The following TSPAN14 variants were observed in gnomAD, a reference collection of about 807,000 sequenced individuals.
TSPAN14 encodes the protein tetraspanin-14.
TSPAN14 carries 16 observed loss-of-function variants against 36.6 expected under a neutral mutation model. The ratio of observed to expected loss-of-function variants is 0.44; its 90% CI spans 0.30 to 0.66. TSPAN14 has a LOEUF of 0.66. Among genes scored for constraint, TSPAN14 ranks in the 30% least tolerant of loss-of-function variants. The probability of loss-of-function intolerance (pLI) is 0.12; values close to 1 mark genes in which losing one functional copy is unlikely to be tolerated. For synonymous variants in TSPAN14, 139 were observed against 143.8 expected (o/e 0.97, Z 0.24); for missense variants, 231 against 355.1 (o/e 0.65, Z 2.81).
chr10:80,462,472 GGTTCTA>G (rs1846030742), intron 1 of TSPAN14, among the ~76,000 whole-genome samples: 1 of 152,094 alleles, frequency 6.6e-6, no homozygotes, highest in Non-Finnish European at 1.5e-5. Context: ...GGCCAGTCCT[GGTTCTA>G]ATGGTCATTG....
intron 1 of TSPAN14, among the ~76,000 whole-genome samples, chr10:80,465,285 C>T (rs1018798010): frequency 1.3e-5 from 2 of 151,728 alleles, no homozygotes; most frequent in African/African-American, 2.4e-5. Flanking sequence ...AGTGCTCAGC[C>T]CAGTGCTCCC....
At chr10:80,511,384 G>GT (rs1840608937) in intron 5 of TSPAN14, among the ~76,000 whole-genome samples, 1 of 152,160 alleles carries the variant, frequency 6.6e-6, no homozygotes, top group Non-Finnish European at 1.5e-5. Flanking sequence ...AAGTTTCTCA[G>GT]GGAGGAAGAA....
At chr10:80,457,375 G>C (rs914463592) in intron 1 of TSPAN14, among the ~76,000 whole-genome samples, 33 of 152,046 alleles carry the variant, frequency 2.2e-4, no homozygotes, top group African/African-American at 8.0e-4. Flanking sequence ...TTTTAGTAGA[G>C]ATGGGGTTTC....
chr10:80,502,577 G>A (rs1384556087), intron 2 of TSPAN14, among the ~76,000 whole-genome samples: 2 of 151,998 alleles, frequency 1.3e-5, no homozygotes, highest in Admixed American at 1.3e-4. Flanking sequence ...CACCAAGCCT[G>A]GGGTCTGGGT....
chr10:80,492,598 C>T (rs1435562085), intron 2 of TSPAN14, among the ~76,000 whole-genome samples: 9 of 152,128 alleles, frequency 5.9e-5, no homozygotes, highest in East Asian at 5.8e-4. Flanking sequence ...AGGCGGATCA[C>T]GAGGTCAGGA....
intron 1 of TSPAN14, among the ~76,000 whole-genome samples, chr10:80,468,022 A>G (rs1345383157): frequency 6.6e-6 from 1 of 152,172 alleles, no homozygotes; most frequent in Non-Finnish European, 1.5e-5. Flanking sequence ...CAATATCCCC[A>G]TTCCTCTTCT....
At chr10:80,471,978 C>T (rs1846578304) in intron 1 of TSPAN14, among the ~76,000 whole-genome samples, 1 of 152,100 alleles carries the variant, frequency 6.6e-6, no homozygotes, top group Non-Finnish European at 1.5e-5. Flanking sequence ...AGTTTGAGAC[C>T]AGCCTGGGCA....
At chr10:80,489,390 AT>A (rs1273363269) in intron 2 of TSPAN14, 76 bp downstream of exon 2, 1 of 1,062,488 alleles carries the variant, frequency 9.4e-7, no homozygotes, top group Non-Finnish European at 1.4e-6. Context: ...CACACTCTTG[AT>A]TTGCCAGACA....
exon 9 of TSPAN14, chr10:80,519,801 A>G (rs1265704007): frequency 7.0e-6 from 1 of 143,404 alleles, no homozygotes; most frequent in Admixed American, 7.0e-5. Flanking sequence ...TCATTGAGTA[A>G]TTTTTTTTTT....
rs1289977636 is a variant in TSPAN14 at position 80,509,161 on chromosome 10, T to G, written c.280-140T>G. The G allele has an allele frequency of 1.2e-6, 1 of 807,570 alleles. No homozygotes were observed. The highest frequency in any genetic ancestry group is 1.9e-6 in the Non-Finnish European group (1 of 515,394). The allele number at this position is 807,570 out of a possible 1,614,324, so 50.0% of individuals were successfully genotyped here. A position where few individuals can be genotyped will look rare whatever the true frequency, so the allele number is the denominator to read the frequency against. ...ACCCAGCTAACTCTAAGTGTGGGGT[T>G]CTGGGGCCCCGATGTGGGACTCTCA... is the stretch of plus-strand genomic sequence containing the variant. On this transcript the variant is annotated intron_variant, in intron 4 of 8. Transcript: ENST00000429989. This position sits in a 1 kb window ranked among gnomAD's most constrained non-coding sequence, Gnocchi z 4.7.
chr10:80,507,430 T>C, intron 4 of TSPAN14, 56 bp downstream of exon 4: 1 of 1,611,304 alleles, frequency 6.2e-7, no homozygotes, highest in Non-Finnish European at 8.5e-7. Context: ...CAGGCTCTGC[T>C]GGGCAGGATT....
chr10:80,516,541 GC>G (rs1840951501), intron 8 of TSPAN14, among the ~76,000 whole-genome samples: 2 of 152,218 alleles, frequency 1.3e-5, no homozygotes. Flanking sequence ...CTATAGGGGG[GC>G]CCTCTGGGCG....
intron 3 of TSPAN14, 119 bp from the exon 4 acceptor site, chr10:80,507,109 C>T: frequency 7.3e-7 from 1 of 1,360,644 alleles, no homozygotes; most frequent in South Asian, 1.3e-5. Flanking sequence ...TGGCTGTCAA[C>T]AAGAGGGCTG....
At chr10:80,508,417 C>T (rs575388420) in intron 4 of TSPAN14, among the ~76,000 whole-genome samples, 6 of 152,230 alleles carry the variant, frequency 3.9e-5, no homozygotes, top group African/African-American at 9.6e-5. Context: ...CGCGCCCGGC[C>T]GTGTGTATGC....
intron 2 of TSPAN14, among the ~76,000 whole-genome samples, chr10:80,491,653 A>G (rs759180691): frequency 6.6e-6 from 1 of 152,164 alleles, no homozygotes; most frequent in Non-Finnish European, 1.5e-5. Context: ...TTGCAGCACT[A>G]TATTCCAGTA....
At chr10:80,468,038 G>A (rs1846337560) in intron 1 of TSPAN14, among the ~76,000 whole-genome samples, 2 of 152,166 alleles carry the variant, frequency 1.3e-5, no homozygotes, top group South Asian at 4.1e-4. Context: ...CTTCTTTGGG[G>A]GTGGAGACTG....
chr10:80,490,758 C>T (rs570949947), intron 2 of TSPAN14, among the ~76,000 whole-genome samples: 1 of 152,130 alleles, frequency 6.6e-6, no homozygotes, highest in Non-Finnish European at 1.5e-5. Flanking sequence ...AATTTGGACA[C>T]TGGCTGGAGA....
At chr10:80,495,492 G>A (rs1001372923) in intron 2 of TSPAN14, among the ~76,000 whole-genome samples, 1 of 152,190 alleles carries the variant, frequency 6.6e-6, no homozygotes, top group Non-Finnish European at 1.5e-5. Context: ...TGCCTGCATG[G>A]CCTCAGCCCC....
At chr10:80,454,999 T>C (rs1004127430) in intron 1 of TSPAN14, among the ~76,000 whole-genome samples, 2 of 152,168 alleles carry the variant, frequency 1.3e-5, no homozygotes, top group African/African-American at 4.8e-5. Context: ...TTCTCCGCGT[T>C]AGTCGTGTGG....
Sources: gnomAD v4.1 joint callset for allele counts (sites outside exome capture counted in the v4.1 genomes callset) on GRCh38, gnomAD v4.1.1 for gene constraint, Gnocchi (gnomAD v3.1) non-coding constraint, MANE v1.5 for transcripts, NCBI Gene and HGNC (gene_info 2026-07-23, HGNC 2026-07-21) for gene names.